The following FBN2 variants were observed in gnomAD, a reference collection of about 807,000 sequenced individuals.
The protein encoded by FBN2 is fibrillin 2.
A neutral mutation model predicts 355.6 loss-of-function variants in FBN2; 105 were observed. The ratio of observed to expected loss-of-function variants is 0.30; its 90% CI spans 0.25 to 0.35. FBN2 has a LOEUF of 0.35. Ranked by LOEUF, FBN2 falls within the 10% of genes least tolerant of loss-of-function variation. The pLI, the probability that FBN2 is intolerant of heterozygous loss-of-function variation, is 1.00. For missense variants in FBN2, 3,280 were observed against 3,758.7 expected (o/e 0.87, Z 3.33); for synonymous variants, 1,350 against 1,301.2 (o/e 1.04, Z -0.81).
intron 34 of FBN2, among the ~76,000 whole-genome samples, chr5:128,319,651 G>T (rs772153523): frequency 1.3e-5 from 2 of 151,984 alleles, no homozygotes; most frequent in African/African-American, 4.8e-5. Context: ...TTAATAAGAT[G>T]ATCCATTGAC....
intron 6 of FBN2, among the ~76,000 whole-genome samples, chr5:128,462,205 T>C (rs1048815152): frequency 1.3e-5 from 2 of 152,150 alleles, no homozygotes; most frequent in African/African-American, 2.4e-5. Context: ...ATCCACATAG[T>C]TGAAATTTAT....
chr5:128,334,867 C>T, intron 30 of FBN2, 23 bp from the exon 31 acceptor site: 1 of 1,590,574 alleles, frequency 6.3e-7, no homozygotes, highest in Non-Finnish European at 8.6e-7. Context: ...TTTTCAATAT[C>T]TTAGTATGTG....
intron 5 of FBN2, among the ~76,000 whole-genome samples, chr5:128,501,470 G>A (rs1288621421): frequency 6.6e-6 from 1 of 152,110 alleles, no homozygotes; most frequent in African/African-American, 2.4e-5. Flanking sequence ...CCATTTCAAG[G>A]AAGCAGAAGA....
At chr5:128,413,638 T>C (rs928034012) in intron 7 of FBN2, among the ~76,000 whole-genome samples, 1 of 152,136 alleles carries the variant, frequency 6.6e-6, no homozygotes, top group Non-Finnish European at 1.5e-5. Flanking sequence ...ATTTGATAAG[T>C]AGTGATAACA....
Position 128,383,722 on chromosome 5 carries a change from A to G in FBN2, c.1604-4832T>C, listed in dbSNP as rs1752295590. Among the ~76,000 whole-genome samples the G allele has an allele frequency of 3.3e-5, 5 of 152,214 alleles. No homozygotes were observed. In the South Asian group the frequency reaches 1.0e-3, roughly 32 times the overall value. ...AGATGGTCAACATCTTTTTATGTGA[A>G]TCATTAGAGAAATGTAAATTAAAAC... On this transcript the variant is annotated intron_variant, in intron 11 of 64. Coordinates refer to ENST00000262464, the MANE Select transcript of FBN2 (RefSeq NM_001999.4).
At chr5:128,327,113 C>A (rs952910006) in intron 34 of FBN2, among the ~76,000 whole-genome samples, 1 of 152,184 alleles carries the variant, frequency 6.6e-6, no homozygotes, top group Non-Finnish European at 1.5e-5. Context: ...TACTAAGCTT[C>A]AGTGCTTAGA....
At chr5:128,301,091 A>T (rs1749702652) in intron 47 of FBN2, among the ~76,000 whole-genome samples, 155 bp from the exon 48 acceptor site, 1 of 152,226 alleles carries the variant, frequency 6.6e-6, no homozygotes, top group Admixed American at 6.5e-5. Flanking sequence ...CTCTTCTGAC[A>T]TCTTGGATAT....
chr5:128,378,233 T>C (rs1034250281), intron 12 of FBN2, among the ~76,000 whole-genome samples: 7 of 152,040 alleles, frequency 4.6e-5, no homozygotes, highest in African/African-American at 1.7e-4. Flanking sequence ...AATTTCTAGA[T>C]TAAGAGTAAC....
chr5:128,315,025 T>C (rs1050637274), intron 36 of FBN2, among the ~76,000 whole-genome samples: 4 of 152,206 alleles, frequency 2.6e-5, no homozygotes, highest in Non-Finnish European at 5.9e-5. Flanking sequence ...GTTAATTCCA[T>C]TGGCATATAC....
In FBN2 at chr5:128,434,394, G is replaced by GTATATATATATATA. The variant is rs6149234; in HGVS notation, c.952+12073_952+12086dup. ...CAATGCCTGGCAGTGAATAAAGTGTGTATATATATATATATATATATATAT... is the reference window on the plus strand; with the variant it reads ...CAATGCCTGGCAGTGAATAAAGTGTGTATATATATATATATATATATATATATATATATATATAT... On this transcript the variant is annotated intron_variant, in intron 7 of 64. Transcript: ENST00000262464. Among the ~76,000 whole-genome samples the GTATATATATATATA allele has an allele frequency of 9.1e-3, 828 of 91,488 alleles. 31 individuals carry two copies. Among genetic ancestry groups the GTATATATATATATA allele is most frequent in the African/African-American group, 0.012 (203 of 16,540 alleles). 60.0% of individuals were successfully genotyped at this position (91,488 alleles called of 152,430 possible).
intron 5 of FBN2, among the ~76,000 whole-genome samples, chr5:128,497,912 C>T (rs574109046): frequency 6.6e-6 from 1 of 152,106 alleles, no homozygotes; most frequent in East Asian, 1.9e-4. Context: ...ATTTAGAACC[C>T]CTCATGCCTC....
intron 20 of FBN2, 94 bp downstream of exon 20, chr5:128,357,182 G>A (rs933815744): frequency 1.3e-6 from 2 of 1,499,472 alleles, no homozygotes; most frequent in East Asian, 4.5e-5. Context: ...TTTGCTTTTT[G>A]GAATCATATT....
chr5:128,439,050 A>T (rs532905649), intron 7 of FBN2, among the ~76,000 whole-genome samples: 3 of 152,254 alleles, frequency 2.0e-5, no homozygotes, highest in South Asian at 4.1e-4. Context: ...TACCTTCAAC[A>T]TACGTTTATA....
chr5:128,263,338 C>G, intron 63 of FBN2, 87 bp downstream of exon 63: 2 of 1,028,980 alleles, frequency 1.9e-6, no homozygotes, highest in Non-Finnish European at 3.1e-6. Context: ...CTTTTAGACA[C>G]TGTACTCTTC....
At chr5:128,421,842 C>G (rs1355433422) in intron 7 of FBN2, among the ~76,000 whole-genome samples, 1 of 152,138 alleles carries the variant, frequency 6.6e-6, no homozygotes, top group Non-Finnish European at 1.5e-5. Flanking sequence ...TATTTAGAAC[C>G]TATCAGTATG....
chr5:128,368,510 A>ATATATACACATATAT (rs1751843883), intron 16 of FBN2, among the ~76,000 whole-genome samples: 1 of 148,334 alleles, frequency 6.7e-6, no homozygotes, highest in Admixed American at 6.8e-5. Context: ...ATATATATAT[A>ATATATACACATATAT]ATCAAATTGA....
intron 6 of FBN2, among the ~76,000 whole-genome samples, chr5:128,458,988 C>T (rs1213855220): frequency 2.7e-5 from 4 of 146,828 alleles, no homozygotes; most frequent in Non-Finnish European, 4.5e-5. Context: ...AAAAACTCTC[C>T]AAAAAAAAAT....
chr5:128,343,988 G>A (rs1751099252), intron 25 of FBN2, among the ~76,000 whole-genome samples: 1 of 152,128 alleles, frequency 6.6e-6, no homozygotes, highest in Non-Finnish European at 1.5e-5. Context: ...CCCAGCACTT[G>A]GGGAGGCCAA....
intron 6 of FBN2, among the ~76,000 whole-genome samples, chr5:128,455,990 CAAAAAAA>C (rs70997371): frequency 2.7e-3 from 68 of 25,274 alleles, no homozygotes; most frequent in East Asian, 0.011. Context: ...GGGTTAGCAA[CAAAAAAA>C]AAAAAAAAAA....
Sources: allele counts gnomAD v4.1 joint callset (sites outside exome capture counted in the v4.1 genomes callset), GRCh38; gene constraint gnomAD v4.1.1; transcripts MANE v1.5; gene names NCBI Gene and HGNC (gene_info 2026-07-23, HGNC 2026-07-21).